ALK: variants seen among roughly 807,000 people sequenced by gnomAD.
The protein encoded by ALK is ALK tyrosine kinase receptor.
In ALK, 74 loss-of-function variants were observed where a neutral mutation model predicts 163.1. That is an observed-to-expected ratio of 0.45 (90% CI 0.38 to 0.55). ALK has a LOEUF of 0.55. ALK is among the 20% of genes least tolerant of loss of function. The probability of loss-of-function intolerance (pLI) is 0.00; values close to 1 mark genes in which losing one functional copy is unlikely to be tolerated. For synonymous variants in ALK, 960 were observed against 843.2 expected (o/e 1.14, Z -2.40); for missense variants, 2,063 against 2,105.3 (o/e 0.98, Z 0.39).
At chr2:29,424,183 T>C (rs571974431) in intron 4 of ALK, among the ~76,000 whole-genome samples, 32 of 152,236 alleles carry the variant, frequency 2.1e-4, no homozygotes, top group Non-Finnish European at 3.2e-4. Context: ...TCCAAACTTT[T>C]GGGGTGTCCA....
At chr2:29,461,014 C>G (rs1261542445) in intron 4 of ALK, among the ~76,000 whole-genome samples, 1 of 152,148 alleles carries the variant, frequency 6.6e-6, no homozygotes, top group Non-Finnish European at 1.5e-5. Flanking sequence ...AAAAGTGAAA[C>G]AGACTTATTG....
chr2:29,277,796 C>T (rs572600920), intron 9 of ALK, among the ~76,000 whole-genome samples: 7 of 152,346 alleles, frequency 4.6e-5, no homozygotes, highest in Admixed American at 3.9e-4. Context: ...CAAGGACCCT[C>T]AGCCCCTGCC....
intron 3 of ALK, among the ~76,000 whole-genome samples, chr2:29,692,079 T>C: frequency 6.6e-6 from 1 of 152,170 alleles, no homozygotes; most frequent in East Asian, 1.9e-4. Context: ...TCAACAGTAT[T>C]ACAAGCCCAG....
At chr2:29,665,594 G>A (rs1389152935) in intron 3 of ALK, among the ~76,000 whole-genome samples, 1 of 151,960 alleles carries the variant, frequency 6.6e-6, no homozygotes, top group Non-Finnish European at 1.5e-5. Context: ...GCTCCCAGGT[G>A]TTGAGGTTGA....
chr2:29,273,426 G>A (rs1453083595), intron 11 of ALK, among the ~76,000 whole-genome samples: 1 of 152,240 alleles, frequency 6.6e-6, no homozygotes, highest in African/African-American at 2.4e-5. Flanking sequence ...TTTATTTAGA[G>A]GTGGTGGGGG....
chr2:29,483,145 A>G (rs1306758043), intron 4 of ALK, among the ~76,000 whole-genome samples: 1 of 152,230 alleles, frequency 6.6e-6, no homozygotes, highest in Admixed American at 6.5e-5. Context: ...GTCCCCAGCA[A>G]GCTGTATGAC....
chr2:29,654,683 C>T (rs764817490), intron 3 of ALK, among the ~76,000 whole-genome samples: 5 of 152,108 alleles, frequency 3.3e-5, no homozygotes, highest in Non-Finnish European at 7.4e-5. Flanking sequence ...TAATGTAACT[C>T]TCCAGGCATA....
chr2:29,912,427 T>A (rs1020264767), intron 1 of ALK, among the ~76,000 whole-genome samples: 1 of 152,006 alleles, frequency 6.6e-6, no homozygotes, highest in Non-Finnish European at 1.5e-5. Flanking sequence ...ATAGTTAAAG[T>A]GTGGAAAGAA....
In ALK at chr2:29,714,186, G is replaced by C. The variant is rs531818656; in HGVS notation, c.787+3392C>G. Among the ~76,000 whole-genome samples, 18 of 152,230 alleles carry C rather than the reference G, an allele frequency of 1.2e-4. No individual in the cohort carries two copies. The South Asian group carries it at 3.3e-3, about 28-fold the overall frequency. ...AAAAGAAAAATAAAGTCTTTCTTTAGACGTCCTCCCTCTCAAAGCCTTAGG... is the reference window on the plus strand; with the variant it reads ...AAAAGAAAAATAAAGTCTTTCTTTACACGTCCTCCCTCTCAAAGCCTTAGG... On this transcript the variant is annotated intron_variant, in intron 2 of 28. Transcript: ENST00000389048.
At chr2:29,430,190 T>C (rs1670240373) in intron 4 of ALK, among the ~76,000 whole-genome samples, 1 of 152,064 alleles carries the variant, frequency 6.6e-6, no homozygotes, top group African/African-American at 2.4e-5. Flanking sequence ...AATAAAAAAA[T>C]AGAAAAATTA....
intron 3 of ALK, among the ~76,000 whole-genome samples, chr2:29,647,985 T>C (rs549446569): frequency 6.6e-6 from 1 of 152,222 alleles, no homozygotes; most frequent in South Asian, 2.1e-4. Flanking sequence ...GATGACAAAG[T>C]TATCATGTTC....
intron 1 of ALK, among the ~76,000 whole-genome samples, chr2:29,786,389 G>C (rs1664025053): frequency 2.6e-5 from 4 of 152,158 alleles, no homozygotes; most frequent in Admixed American, 2.0e-4. Context: ...CAGCCATCAG[G>C]GATTCTTTTC....
At chr2:29,809,577 C>G (rs1432487110) in intron 1 of ALK, among the ~76,000 whole-genome samples, 1 of 152,188 alleles carries the variant, frequency 6.6e-6, no homozygotes, top group Non-Finnish European at 1.5e-5. Flanking sequence ...GGGGGGCTGC[C>G]TGGCACCTTG....
chr2:29,651,937 C>A (rs1186229186), intron 3 of ALK, among the ~76,000 whole-genome samples: 1 of 152,076 alleles, frequency 6.6e-6, no homozygotes, highest in African/African-American at 2.4e-5. Flanking sequence ...AAGGGAACAG[C>A]CTATAGGCCT....
chr2:29,468,131 T>C (rs560323188), intron 4 of ALK, among the ~76,000 whole-genome samples: 1 of 151,962 alleles, frequency 6.6e-6, no homozygotes, highest in South Asian at 2.1e-4. Context: ...CGGGTTCAAG[T>C]GATTCTCTTG....
chr2:29,244,984 T>A (rs1000458943), intron 12 of ALK, among the ~76,000 whole-genome samples: 1 of 127,400 alleles, frequency 7.8e-6, no homozygotes, highest in Non-Finnish European at 1.7e-5. Context: ...GCTCAGTGCC[T>A]GGCACACAGT....
At chr2:29,559,875 C>T (rs1028452937) in intron 3 of ALK, among the ~76,000 whole-genome samples, 2 of 151,856 alleles carry the variant, frequency 1.3e-5, no homozygotes, top group Middle Eastern at 3.2e-3. Flanking sequence ...CTTTCACTTG[C>T]TCTGTGCCAT....
intron 1 of ALK, among the ~76,000 whole-genome samples, chr2:29,898,323 C>T (rs559490433): frequency 3.3e-5 from 5 of 152,278 alleles, no homozygotes; most frequent in South Asian, 2.1e-4. Context: ...TGATCAAATG[C>T]GATTAAGGGA....
At chr2:29,222,676 T>C (rs932728502) in intron 20 of ALK, 69 bp from the exon 21 acceptor site, 6 of 1,413,630 alleles carry the variant, frequency 4.2e-6, no homozygotes, top group Middle Eastern at 2.3e-4. Flanking sequence ...CTGGGGGTCC[T>C]GAGCCTGGGC....
Sources: gnomAD v4.1 joint callset for allele counts (sites outside exome capture counted in the v4.1 genomes callset) on GRCh38, gnomAD v4.1.1 for gene constraint, MANE v1.5 for transcripts, NCBI Gene and HGNC (gene_info 2026-07-23, HGNC 2026-07-21) for gene names.